The following HGF variants were observed in gnomAD, a reference collection of about 807,000 sequenced individuals.
The protein encoded by HGF is fibroblast-derived tumor cytotoxic factor.
In HGF, 39 loss-of-function variants were observed where a neutral mutation model predicts 111.6. That is an observed-to-expected ratio of 0.35 (90% confidence interval 0.27 to 0.46). HGF has a LOEUF of 0.46. Among genes scored for constraint, HGF ranks in the 20% least tolerant of loss-of-function variants. HGF has a pLI of 1.00. For synonymous variants in HGF, 285 were observed against 294.8 expected, an observed-to-expected ratio of 0.97 and a Z score of 0.34; for missense variants, 735 against 910.5, an observed-to-expected ratio of 0.81 and a Z score of 2.48.
At chr7:81,703,585 A>T (rs1476392476) in intron 17 of HGF, among the ~76,000 whole-genome samples, 1 of 149,472 alleles carries the variant, frequency 6.7e-6, no homozygotes, top group African/African-American at 2.4e-5. Context: ...ATAAAAATAT[A>T]TAATAAGTAA....
chr7:81,748,039 G>A (rs1321445931), intron 5 of HGF, among the ~76,000 whole-genome samples: 2 of 152,204 alleles, frequency 1.3e-5, no homozygotes, highest in East Asian at 3.8e-4. Flanking sequence ...AAAGTTTTAA[G>A]AGACTTACCT....
chr7:81,743,457 C>A lies in HGF; in HGVS notation c.761G>T (p.Gly254Val), dbSNP rs560215969. The change falls in exon 7 of 18, where the codon GGC (glycine) becomes GTC (valine). Residue 254 changes from glycine (G) to valine (V), a missense_variant. Around this residue, in one of 3 missense-constraint regions of HGF, gnomAD observed 553 missense variants for 685.6 expected, o/e 0.81. Coordinates refer to ENST00000222390, the MANE Select transcript of HGF (RefSeq NM_000601.6). Reference sequence around the variant, plus strand: ...ATTGCGGCAATAATTATCATCAAAGCCCTTGTCGGGATATCTGCAAACCAC... The same window carrying A: ...ATTGCGGCAATAATTATCATCAAAGACCTTGTCGGGATATCTGCAAACCAC... ...KFLPERYPDK[G>V]FDDNYCRNPD... The A allele has an allele frequency of 6.2e-7, 1 of 1,611,400 alleles. No homozygotes were observed. Among genetic ancestry groups the A allele is most frequent in the African/African-American group, 1.3e-5 (1 of 74,966 alleles).
chr7:81,759,509 G>GT (rs1438263437), intron 2 of HGF, among the ~76,000 whole-genome samples: 3 of 151,832 alleles, frequency 2.0e-5, no homozygotes, highest in South Asian at 2.1e-4. Context: ...AGCATTTTTT[G>GT]TTTTTTTGTT....
At chr7:81,708,455 TATAAG>T (rs1360485880) in intron 13 of HGF, among the ~76,000 whole-genome samples, 1 of 149,556 alleles carries the variant, frequency 6.7e-6, no homozygotes, top group African/African-American at 2.4e-5. Flanking sequence ...CCTCTGGGGT[TATAAG>T]ATAAGCAAAG....
Position 81,729,701 on chromosome 7 carries a change from C to A in HGF, c.944G>T (p.Gly315Val). 6.2e-7 allele frequency: 1 copy of A among 1,613,508 alleles called. No individual in the cohort carries two copies. The highest frequency in any genetic ancestry group is 8.5e-7 in the Non-Finnish European group (1 of 1,179,502). ...TCCATTCCAAATGGTATTGACAGTG[C>A]CCCTGTAGCCTTCTCCTTGACCTTG... ...CIQGQGEGYR[G>V]TVNTIWNGIP... The change falls in exon 8 of 18, where the codon GGC becomes GTC. Residue 315 changes from glycine (G) to valine (V), a missense_variant. Around this residue, in one of 3 missense-constraint regions of HGF, gnomAD observed 553 missense variants for 685.6 expected, o/e 0.81. Coordinates refer to ENST00000222390, the MANE Select transcript of HGF (RefSeq NM_000601.6).
chr7:81,762,970 A>T (rs1789174918), intron 1 of HGF, 98 bp from the exon 2 acceptor site: 1 of 742,874 alleles, frequency 1.3e-6, no homozygotes. Context: ...CAAGAAAGTG[A>T]TTTTACTTGA....
At chr7:81,720,948 T>G (rs1442588068) in intron 9 of HGF, 101 bp from the exon 10 acceptor site, 1 of 746,356 alleles carries the variant, frequency 1.3e-6, no homozygotes, top group African/African-American at 1.7e-5. Flanking sequence ...AACATAAAAA[T>G]TAAAGTACTT....
rs560340242 is a variant in HGF, at chr7:81,751,598, A to T, written c.625+522T>A. The T allele has an allele frequency of 5.0e-6, 5 of 995,004 alleles. No individual in the cohort carries two copies. In the East Asian group the frequency reaches 5.4e-4, roughly 108 times the overall value. The allele number at this position is 995,004 out of a possible 1,614,324, so 61.6% of individuals were successfully genotyped here. A position where few individuals can be genotyped will look rare whatever the true frequency, so the allele number is the denominator to read the frequency against. On this transcript the variant is annotated intron_variant, in intron 5 of 17. Transcript: ENST00000222390. ...AGTTCCAGCCTACGTGTCACATTTGATTCTAGGCACATTTTCACCAAAATG... is the reference window on the plus strand; with the variant it reads ...AGTTCCAGCCTACGTGTCACATTTGTTTCTAGGCACATTTTCACCAAAATG...
chr7:81,758,157 A>T (rs1447885963), intron 3 of HGF, among the ~76,000 whole-genome samples: 2 of 152,028 alleles, frequency 1.3e-5, no homozygotes, highest in African/African-American at 4.8e-5. Flanking sequence ...AGACCACCAG[A>T]ATAGGCAATC....
chr7:81,725,915 T>C lies in HGF; in HGVS notation c.1143A>G (p.Pro381=), dbSNP rs1307541359. The C allele has an allele frequency of 1.2e-6, 2 of 1,614,112 alleles. No homozygotes were observed. Among genetic ancestry groups the C allele is most frequent in the Admixed American group, 1.7e-5 (1 of 60,020 alleles). ...NIRVGYCSQI[P]NCDMSHGQDC... The stretch of plus-strand genomic sequence containing the variant: ...CTTGTCCATGTGACATATCACAGTT[T>C]GGAATTTGGGAGCAGTAGCCAACTC... Residue 381 remains proline (P), a synonymous_variant, in exon 9 of 18, where the codon CCA becomes CCG. Coordinates refer to ENST00000222390, the MANE Select transcript of HGF (RefSeq NM_000601.6).
At chr7:81,726,845 G>A (rs1287672538) in intron 8 of HGF, among the ~76,000 whole-genome samples, 1 of 151,630 alleles carries the variant, frequency 6.6e-6, no homozygotes, top group Non-Finnish European at 1.5e-5. Flanking sequence ...ATAAAATATG[G>A]ATTTCATAAT....
At chr7:81,741,288 T>G (rs186810776) in intron 7 of HGF, among the ~76,000 whole-genome samples, 245 of 152,260 alleles carry the variant, frequency 1.6e-3, no homozygotes, top group African/African-American at 5.6e-3. Context: ...CTGGTATCAT[T>G]TTTTTAGAAT....
In HGF at chr7:81,746,302, C is replaced by T. The variant is rs372507813; in HGVS notation, c.626-1182G>A. Among the ~76,000 whole-genome samples, 12 of 152,232 alleles carry T rather than the reference C, an allele frequency of 7.9e-5. No homozygotes were observed. The East Asian group carries it at 1.9e-3, about 25-fold the overall frequency. On this transcript the variant is annotated intron_variant, in intron 5 of 17. Transcript: ENST00000222390. ...CAACTCGGCTTCCCTTCATTTGATA[C>T]TGAGATTTTCCAGACTACACCCAAT... is the stretch of plus-strand genomic sequence containing the variant.
intron 5 of HGF, among the ~76,000 whole-genome samples, chr7:81,746,195 C>T (rs1243886371): frequency 2.6e-5 from 4 of 152,188 alleles, no homozygotes; most frequent in African/African-American, 7.2e-5. Flanking sequence ...GGGACATTAA[C>T]TATTAACTTT....
chr7:81,745,720 C>T (rs1268840191), intron 5 of HGF, among the ~76,000 whole-genome samples: 1 of 152,178 alleles, frequency 6.6e-6, no homozygotes, highest in African/African-American at 2.4e-5. Context: ...ATAAGCTGGG[C>T]AGGTTTACAT....
At chr7:81,737,684 C>G (rs544768067) in intron 7 of HGF, among the ~76,000 whole-genome samples, 1 of 152,090 alleles carries the variant, frequency 6.6e-6, no homozygotes, top group South Asian at 2.1e-4. Context: ...GTTGACAATG[C>G]CACTGGTTTT....
rs1788493749 is a variant in HGF, at chr7:81,751,470, C to T, written c.625+650G>A. 4 of 955,492 alleles carry T rather than the reference C, an allele frequency of 4.2e-6. No homozygotes were observed. In the South Asian group the frequency reaches 1.5e-4, roughly 37 times the overall value. The allele number at this position is 955,492 out of a possible 1,614,324, so 59.2% of individuals were successfully genotyped here. On this transcript the variant is annotated intron_variant, in intron 5 of 17. Coordinates refer to ENST00000222390, the MANE Select transcript of HGF (RefSeq NM_000601.6). ...ATGCCCTTTTATGCTGTGAGAAGAG[C>T]TGAAAACATAGACATGGACTTAAGG...
intron 15 of HGF, 83 bp downstream of exon 15, chr7:81,706,204 G>T: frequency 8.2e-7 from 1 of 1,221,000 alleles, no homozygotes; most frequent in Non-Finnish European, 1.2e-6. Context: ...GTATGAGAGA[G>T]AACGAACTGC....
chr7:81,736,722 G>A (rs1164709521), intron 7 of HGF: 1 of 477,864 alleles, frequency 2.1e-6, no homozygotes, highest in Non-Finnish European at 4.2e-6. Flanking sequence ...GGCAAAGGAA[G>A]AAAATCATTG....
Sources: gnomAD v4.1 joint callset for allele counts (sites outside exome capture counted in the v4.1 genomes callset) on GRCh38, gnomAD v4.1.1 for gene constraint, gnomAD v4.1.1 regional missense constraint, MANE v1.5 for transcripts, NCBI Gene and HGNC (gene_info 2026-07-23, HGNC 2026-07-21) for gene names.